LHFPL3: variants seen among roughly 807,000 people sequenced by gnomAD.
LHFPL3 encodes LHFPL tetraspan subfamily member 3 protein.
Under a neutral mutation model 19.3 loss-of-function variants are expected in LHFPL3, and 5 were observed. The ratio of observed to expected loss-of-function variants is 0.26; its 90% CI spans 0.14 to 0.54. The LOEUF (loss-of-function observed/expected upper bound fraction) is 0.54, where lower values mean the gene tolerates loss of function less well. Among genes scored for constraint, LHFPL3 ranks in the 20% least tolerant of loss-of-function variants. The probability of loss-of-function intolerance (pLI) is 0.94; values close to 1 mark genes in which losing one functional copy is unlikely to be tolerated. For missense variants in LHFPL3, 249 were observed against 307.4 expected (o/e 0.81, Z 1.42); for synonymous variants, 133 against 126.2 (o/e 1.05, Z -0.36).
chr7:104,830,662 T>C (rs1400375581), intron 2 of LHFPL3, among the ~76,000 whole-genome samples: 1 of 151,994 alleles, frequency 6.6e-6, no homozygotes, highest in Non-Finnish European at 1.5e-5. Flanking sequence ...GCATTATTTC[T>C]GAGGGCTCTG....
At chr7:104,371,348 C>T (rs943941328) in intron 1 of LHFPL3, among the ~76,000 whole-genome samples, 4 of 152,162 alleles carry the variant, frequency 2.6e-5, no homozygotes, top group African/African-American at 9.7e-5. Flanking sequence ...CCCAGTGTTA[C>T]CCATGAAAAG....
At chr7:104,670,481 G>T (rs1335852428) in intron 1 of LHFPL3, among the ~76,000 whole-genome samples, 2 of 151,968 alleles carry the variant, frequency 1.3e-5, no homozygotes, top group African/African-American at 4.8e-5. Flanking sequence ...GACTCTTATC[G>T]TCATCTTAAG....
Position 104,522,708 on chromosome 7 carries a change from T to C in LHFPL3, c.445+193484T>C, listed in dbSNP as rs373787130. On this transcript the variant is annotated intron_variant, in intron 1 of 2. Coordinates refer to ENST00000424859, the MANE Select transcript of LHFPL3 (RefSeq NM_199000.3). ...AATACAGAAGGTCTTTCTTGCCATT[T>C]GTCCTGTGCTCCAGTTCATGTAAAG... Among the ~76,000 whole-genome samples the C allele has an allele frequency of 3.9e-5, 6 of 152,278 alleles. No homozygotes were observed. In the South Asian group the frequency reaches 1.2e-3, roughly 32 times the overall value.
intron 1 of LHFPL3, among the ~76,000 whole-genome samples, chr7:104,469,059 A>G (rs894679453): frequency 5.3e-5 from 8 of 152,164 alleles, no homozygotes; most frequent in Admixed American, 2.0e-4. Context: ...GGAGGCTCCA[A>G]TTTAACAAGC....
chr7:104,336,472 T>G (rs541780831), intron 1 of LHFPL3, among the ~76,000 whole-genome samples: 1 of 151,692 alleles, frequency 6.6e-6, no homozygotes, highest in East Asian at 1.9e-4. Flanking sequence ...AACTATAATC[T>G]TGAGTGAGTG....
At chr7:104,531,458 C>G (rs1374715233) in intron 1 of LHFPL3, among the ~76,000 whole-genome samples, 1 of 152,220 alleles carries the variant, frequency 6.6e-6, no homozygotes, top group Non-Finnish European at 1.5e-5. Context: ...AACTTTCTGG[C>G]ATGGTGTTTA....
At chr7:104,625,334 A>G (rs558942131) in intron 1 of LHFPL3, among the ~76,000 whole-genome samples, 2 of 152,358 alleles carry the variant, frequency 1.3e-5, no homozygotes, top group East Asian at 3.9e-4. Flanking sequence ...GGGTCCTATC[A>G]CAGAAAACAG....
At chr7:104,623,597 G>A (rs1791491798) in intron 1 of LHFPL3, among the ~76,000 whole-genome samples, 2 of 152,198 alleles carry the variant, frequency 1.3e-5, no homozygotes, top group Non-Finnish European at 1.5e-5. Flanking sequence ...GCCTCTGCAT[G>A]CCAGCCTGGG....
chr7:104,444,774 A>T (rs1792295407), intron 1 of LHFPL3, among the ~76,000 whole-genome samples: 1 of 152,136 alleles, frequency 6.6e-6, no homozygotes, highest in Admixed American at 6.5e-5. Context: ...AGATCACCTG[A>T]GGTCGGGAGT....
At chr7:104,402,096 A>AAAC (rs1367383590) in intron 1 of LHFPL3, among the ~76,000 whole-genome samples, 1 of 151,856 alleles carries the variant, frequency 6.6e-6, no homozygotes, top group Non-Finnish European at 1.5e-5. Context: ...ACTAAAAAAA[A>AAAC]AAAAACAAAA....
chr7:104,689,316 G>A (rs546633150), intron 1 of LHFPL3, among the ~76,000 whole-genome samples: 5 of 152,316 alleles, frequency 3.3e-5, no homozygotes, highest in South Asian at 4.1e-4. Context: ...AGGCAAAGCA[G>A]CAATCAGAAT....
chr7:104,607,360 G>T (rs182899003), intron 1 of LHFPL3, among the ~76,000 whole-genome samples: 4 of 152,308 alleles, frequency 2.6e-5, no homozygotes, highest in African/African-American at 7.2e-5. Flanking sequence ...CTGCACAAGT[G>T]TGCAGTTTCA....
chr7:104,722,969 A>G (rs1793516013), intron 1 of LHFPL3, among the ~76,000 whole-genome samples: 1 of 152,182 alleles, frequency 6.6e-6, no homozygotes, highest in Non-Finnish European at 1.5e-5. Context: ...AAAAGCCCCA[A>G]ATGGGATAGT....
At chr7:104,534,869 A>G (rs1390938708) in intron 1 of LHFPL3, among the ~76,000 whole-genome samples, 2 of 152,112 alleles carry the variant, frequency 1.3e-5, no homozygotes, top group Non-Finnish European at 1.5e-5. Context: ...TATTTCTTAA[A>G]TTGTAGTATT....
chr7:104,376,739 A>G (rs1301786323), intron 1 of LHFPL3, among the ~76,000 whole-genome samples: 1 of 152,178 alleles, frequency 6.6e-6, no homozygotes, highest in Non-Finnish European at 1.5e-5. Flanking sequence ...CTGGGCTGGG[A>G]GCAAGCCTTG....
rs79193565 is a variant in LHFPL3, at chr7:104,652,697, A to G, written c.446-83978A>G. ...GGCTTGGAGGTGGTGAACGAGGGCC[A>G]CTCTAAGAAGGGAGCAAAGCTGCAG... is the stretch of plus-strand genomic sequence containing the variant. On this transcript the variant is annotated intron_variant, in intron 1 of 2. Transcript: ENST00000424859. 4.4e-3 allele frequency among the ~76,000 whole-genome samples: 674 copies of G among 152,230 alleles called. 37 individuals carry two copies. In the East Asian group the frequency reaches 0.11, roughly 25 times the overall value.
intron 2 of LHFPL3, among the ~76,000 whole-genome samples, chr7:104,865,636 G>C (rs1399180304): frequency 1.3e-5 from 2 of 152,194 alleles, no homozygotes; most frequent in African/African-American, 4.8e-5. Flanking sequence ...ATGGAACCAA[G>C]TTGGAAAACA....
At chr7:104,657,867 C>T (rs1053115741) in intron 1 of LHFPL3, among the ~76,000 whole-genome samples, 3 of 152,224 alleles carry the variant, frequency 2.0e-5, no homozygotes, top group African/African-American at 4.8e-5. Context: ...ATAGTAAATC[C>T]TCTGTTTTGA....
At chr7:104,481,449 C>A (rs1793134209) in intron 1 of LHFPL3, among the ~76,000 whole-genome samples, 1 of 152,152 alleles carries the variant, frequency 6.6e-6, no homozygotes, top group Non-Finnish European at 1.5e-5. Context: ...CTTTCCCTCA[C>A]CCTAGGCTCC....
Sources: allele counts gnomAD v4.1 joint callset (sites outside exome capture counted in the v4.1 genomes callset), GRCh38; gene constraint gnomAD v4.1.1; transcripts MANE v1.5; gene names NCBI Gene and HGNC (gene_info 2026-07-23, HGNC 2026-07-21).